The following ADAMTS9 variants were observed in gnomAD, a reference collection of about 807,000 sequenced individuals.
ADAMTS9 encodes the protein A disintegrin and metalloproteinase with thrombospondin motifs 9.
A neutral mutation model predicts 257.1 loss-of-function variants in ADAMTS9; 107 were observed. That is an observed-to-expected ratio of 0.42 (90% CI 0.36 to 0.49). ADAMTS9 has a LOEUF of 0.49. ADAMTS9 is among the 20% of genes least tolerant of loss of function. ADAMTS9 has a pLI of 0.03. For synonymous variants in ADAMTS9, 982 were observed against 880.9 expected, an observed-to-expected ratio of 1.11 and a Z score of -2.03; for missense variants, 2,353 against 2,469.1, an observed-to-expected ratio of 0.95 and a Z score of 1.00.
Position 64,686,451 on chromosome 3 carries a change from G to C in ADAMTS9, c.516+117C>G. ...TACGAGTTTCTAGCTGATATTTAAC[G>C]CCGGAGAGGAGCGGAGCCTCGCCAC... On this transcript the variant is annotated intron_variant, in intron 2 of 39. Transcript: ENST00000498707. This position sits in a 1 kb window ranked among gnomAD's most constrained non-coding sequence, Gnocchi z 4.6. 1 of 1,342,928 alleles carries C rather than the reference G, an allele frequency of 7.4e-7. No individual in the cohort carries two copies. The highest frequency in any genetic ancestry group is 1.0e-6 in the Non-Finnish European group (1 of 1,004,138). 83.2% of individuals were successfully genotyped at this position (1,342,928 alleles called of 1,614,324 possible). A position where few individuals can be genotyped will look rare whatever the true frequency, so the allele number is the denominator to read the frequency against.
chr3:64,625,617 C>G (rs773913297), intron 16 of ADAMTS9, among the ~76,000 whole-genome samples: 2 of 152,176 alleles, frequency 1.3e-5, no homozygotes, highest in Non-Finnish European at 2.9e-5. Flanking sequence ...CCTAATCCAG[C>G]ACTTCATTTA....
intron 30 of ADAMTS9, among the ~76,000 whole-genome samples, chr3:64,554,914 T>C (rs2083312752): frequency 6.6e-6 from 1 of 152,248 alleles, no homozygotes. Context: ...AAGGATCATT[T>C]AATGCAATGG....
Position 64,687,638 on chromosome 3 carries a change from G to A in ADAMTS9, c.20C>T (p.Ala7Val). 1 of 1,575,160 alleles carries A rather than the reference G, an allele frequency of 6.3e-7. No homozygotes were observed. The highest frequency in any genetic ancestry group is 1.8e-5 in the Admixed American group (1 of 55,486). Residue 7 changes from alanine (A) to valine (V), a missense_variant, in exon 1 of 40, where the codon GCC (alanine) becomes GTC (valine). Coordinates refer to ENST00000498707, the MANE Select transcript of ADAMTS9 (RefSeq NM_182920.2). This position sits in a 1 kb window ranked among gnomAD's most constrained non-coding sequence, Gnocchi z 4.4. MQFVSWATLLTLLVRDL... is the reference protein window; with the variant it reads MQFVSWVTLLTLLVRDL... The stretch of plus-strand genomic sequence containing the variant: ...CCGCACCAGGAGCGTTAGCAGTGTG[G>A]CCCAGGATACAAACTGCATGGTGCT...
intron 38 of ADAMTS9, among the ~76,000 whole-genome samples, chr3:64,523,787 G>C (rs1398799562): frequency 1.3e-5 from 2 of 152,150 alleles, no homozygotes; most frequent in Non-Finnish European, 2.9e-5. Flanking sequence ...ACCTTGACTT[G>C]TCCTACTACA....
At position 64,546,646 on chromosome 3, in the gene ADAMTS9, A is replaced by G. The variant is rs9869481; in HGVS notation, c.5064+112T>C. 1.3e-3 allele frequency: 1,536 copies of G among 1,180,740 alleles called. 19 individuals are homozygous for G. The African/African-American group carries it at 0.02, about 16-fold the overall frequency. The allele number at this position is 1,180,740 out of a possible 1,614,324, so 73.1% of individuals were successfully genotyped here. ...TAGCCCATTTCAAGTTGCTAACTCC[A>G]GGGTTTCTCCTGGAAGTAGAGTTAC... On this transcript the variant is annotated intron_variant, in intron 32 of 39. Coordinates refer to ENST00000498707, the MANE Select transcript of ADAMTS9 (RefSeq NM_182920.2).
intron 16 of ADAMTS9, among the ~76,000 whole-genome samples, chr3:64,629,073 C>T (rs1700301255): frequency 6.6e-6 from 1 of 152,154 alleles, no homozygotes; most frequent in African/African-American, 2.4e-5. Flanking sequence ...ACACTATGTT[C>T]AATCCATCAA....
intron 12 of ADAMTS9, among the ~76,000 whole-genome samples, chr3:64,636,546 AT>A (rs1700500434): frequency 1.3e-5 from 2 of 152,246 alleles, no homozygotes; most frequent in Non-Finnish European, 2.9e-5. Context: ...ACAGTAAGTG[AT>A]TAATAAAAGT....
chr3:64,660,964 T>C (rs1701206716), intron 3 of ADAMTS9, among the ~76,000 whole-genome samples: 2 of 152,158 alleles, frequency 1.3e-5, no homozygotes, highest in African/African-American at 4.8e-5. Context: ...CAGTGCGCAA[T>C]CAGTTTATTT....
chr3:64,552,245 A>G (rs1418308211), intron 30 of ADAMTS9, among the ~76,000 whole-genome samples: 1 of 152,228 alleles, frequency 6.6e-6, no homozygotes, highest in Non-Finnish European at 1.5e-5. Flanking sequence ...ATGATTACAG[A>G]GCAAGTGGTA....
At chr3:64,557,635 G>A (rs2106947822) in intron 30 of ADAMTS9, among the ~76,000 whole-genome samples, 1 of 152,184 alleles carries the variant, frequency 6.6e-6, no homozygotes. Context: ...GTCTACTTTG[G>A]GATGGCCTAA....
intron 36 of ADAMTS9, among the ~76,000 whole-genome samples, chr3:64,540,819 T>C (rs750634934): frequency 2.6e-5 from 4 of 152,204 alleles, no homozygotes; most frequent in Non-Finnish European, 4.4e-5. Flanking sequence ...CATTCATTCA[T>C]TCAGTTCATT....
chr3:64,594,190 G>C, intron 28 of ADAMTS9, 68 bp downstream of exon 28: 1 of 1,507,974 alleles, frequency 6.6e-7, no homozygotes, highest in East Asian at 2.3e-5. Context: ...ATCTGCCACA[G>C]AGGAGTGCCC....
At chr3:64,655,914 T>G (rs1475512107) in intron 4 of ADAMTS9, 39 bp from the exon 5 acceptor site, 2 of 1,358,316 alleles carry the variant, frequency 1.5e-6, no homozygotes, top group Non-Finnish European at 2.0e-6. Flanking sequence ...AATTGTGAAC[T>G]CCGTGTAAGC....
chr3:64,667,473 G>C (rs1701376799), intron 3 of ADAMTS9, among the ~76,000 whole-genome samples: 3 of 152,318 alleles, frequency 2.0e-5, no homozygotes, highest in South Asian at 4.1e-4. Flanking sequence ...CTCTCAGGGA[G>C]AGAAGGGCGT....
intron 30 of ADAMTS9, among the ~76,000 whole-genome samples, chr3:64,558,984 G>A (rs2106638915): frequency 6.6e-6 from 1 of 152,280 alleles, no homozygotes; most frequent in East Asian, 1.9e-4. Flanking sequence ...GAATGGATGT[G>A]AGAGGCGGTG....
intron 30 of ADAMTS9, among the ~76,000 whole-genome samples, chr3:64,558,232 G>C: frequency 6.6e-6 from 1 of 152,134 alleles, no homozygotes; most frequent in East Asian, 1.9e-4. Flanking sequence ...CAGCGTGCAA[G>C]CTTCCGGGCT....
At chr3:64,672,970 T>C (rs1473939762) in intron 3 of ADAMTS9, among the ~76,000 whole-genome samples, 1 of 152,070 alleles carries the variant, frequency 6.6e-6, no homozygotes, top group South Asian at 2.1e-4. Flanking sequence ...CACGTTATAA[T>C]TGCCTACAGT....
chr3:64,613,552 T>A lies in ADAMTS9; in HGVS notation c.3190-43A>T, dbSNP rs763792713. On this transcript the variant is annotated intron_variant, in intron 21 of 39. Coordinates refer to ENST00000498707, the MANE Select transcript of ADAMTS9 (RefSeq NM_182920.2). ...GCTAGTCAGGGTCATTTCTGATCAA[T>A]GTGTTGTGGTTTCTGGGGTTATTTA... is the stretch of plus-strand genomic sequence containing the variant. The A allele has an allele frequency of 6.3e-6, 10 of 1,581,562 alleles. No individual in the cohort carries two copies. In the East Asian group the frequency reaches 1.8e-4, roughly 29 times the overall value.
rs1701928457 is a variant in ADAMTS9 at position 64,686,936 on chromosome 3, T to G, written c.148A>C (p.Ile50Leu). ...KLLETLSEYE[I>L]VSPIRVNALG... ...GCGTTCACTCGGATGGGAGACACGA[T>G]TTCGTATTCGCTCAGGGTCTCTAAT... Residue 50 changes from isoleucine to leucine, a missense_variant, in exon 2 of 40, where the codon ATC (isoleucine) becomes CTC (leucine). Ile to Leu is a conservative substitution (Grantham distance 5, BLOSUM62 2). This residue lies in a region of ADAMTS9 where 591 missense variants were observed against 569.6 expected (regional missense o/e 1.04). Transcript: ENST00000498707. This position sits in a 1 kb window ranked among gnomAD's most constrained non-coding sequence, Gnocchi z 4.6. 1 of 1,614,018 alleles carries G rather than the reference T, an allele frequency of 6.2e-7. No homozygotes were observed. The highest frequency in any genetic ancestry group is 8.5e-7 in the Non-Finnish European group (1 of 1,180,026).
Sources: allele counts gnomAD v4.1 joint callset (sites outside exome capture counted in the v4.1 genomes callset), GRCh38; gene constraint gnomAD v4.1.1; regional missense constraint gnomAD v4.1.1; non-coding constraint Gnocchi (gnomAD v3.1); transcripts MANE v1.5; gene names NCBI Gene and HGNC (gene_info 2026-07-23, HGNC 2026-07-21).